LRP1B: variants seen among roughly 807,000 people sequenced by gnomAD.
LRP1B encodes low-density lipoprotein receptor-related protein 1B.
Under a neutral mutation model 556.6 loss-of-function variants are expected in LRP1B, and 217 were observed. That is an observed-to-expected ratio of 0.39 (90% CI 0.35 to 0.44). The LOEUF (loss-of-function observed/expected upper bound fraction) is 0.44. LRP1B is among the 20% of genes least tolerant of loss of function. LRP1B has a pLI of 1.00. For synonymous variants in LRP1B, 2,047 were observed against 1,865.8 expected (o/e 1.10, Z -2.50); for missense variants, 5,053 against 5,620.8 (o/e 0.90, Z 3.23).
chr2:141,021,995 T>C (rs1698077187), intron 11 of LRP1B, among the ~76,000 whole-genome samples: 1 of 151,904 alleles, frequency 6.6e-6, no homozygotes, highest in Middle Eastern at 3.2e-3. Context: ...TTAAGGGTAC[T>C]ACTTGATAGG....
At chr2:140,903,291 C>T in intron 22 of LRP1B, 126 bp from the exon 23 acceptor site, 1 of 1,109,508 alleles carries the variant, frequency 9.0e-7, no homozygotes, top group Non-Finnish European at 1.3e-6. Flanking sequence ...TAAGAAAGCC[C>T]TCTTTGGCTT....
At chr2:141,383,684 A>G (rs1006989898) in intron 3 of LRP1B, among the ~76,000 whole-genome samples, 2 of 152,210 alleles carry the variant, frequency 1.3e-5, no homozygotes, top group African/African-American at 4.8e-5. Flanking sequence ...TTTAAAAGGC[A>G]GGAAACACTT....
At chr2:141,582,316 A>G (rs78111137) in intron 2 of LRP1B, among the ~76,000 whole-genome samples, 1,634 of 152,354 alleles carry the variant, frequency 0.011, 26 homozygotes, top group African/African-American at 0.036. Flanking sequence ...CAAACTGAAG[A>G]AAACAAGGAA....
chr2:141,231,096 ACTAG>A (rs1342400923), intron 5 of LRP1B, among the ~76,000 whole-genome samples: 1 of 152,246 alleles, frequency 6.6e-6, no homozygotes, highest in African/African-American at 2.4e-5. Context: ...TCAGAGTATG[ACTAG>A]CTATTCAGAA....
intron 15 of LRP1B, among the ~76,000 whole-genome samples, chr2:140,994,388 G>T (rs1340857434): frequency 2.2e-4 from 11 of 51,028 alleles, no homozygotes; most frequent in Middle Eastern, 9.4e-3. Context: ...GGTAGGTAAG[G>T]ATGTGTGTGT....
chr2:140,402,905 G>T (rs1460378030), intron 66 of LRP1B, among the ~76,000 whole-genome samples: 1 of 152,178 alleles, frequency 6.6e-6, no homozygotes, highest in Non-Finnish European at 1.5e-5. Context: ...AAGGAGATAA[G>T]CTTCAAGAGA....
chr2:140,867,814 G>A lies in LRP1B; in HGVS notation c.4355C>T (p.Ala1452Val), dbSNP rs2105154367. Residue 1452 changes from alanine (A) to valine (V), a missense_variant, in exon 27 of 91, where the codon GCC (alanine) becomes GTC (valine). Coordinates refer to ENST00000389484, the MANE Select transcript of LRP1B (RefSeq NM_018557.3). ...TDARSDAIYS[A>V]LYDGTNMIEI... ...TATCATGTTTGTTCCATCATAGAGG[G>A]CTGAATAAATAGCATCTGACCTACA... 1.3e-6 allele frequency: 2 copies of A among 1,566,374 alleles called. No homozygotes were observed. The highest frequency in any genetic ancestry group is 2.3e-5 in the East Asian group (1 of 43,796).
At chr2:142,107,794 A>ATTTTTTTTTTTTTTTT (rs67962280) in intron 1 of LRP1B, among the ~76,000 whole-genome samples, 2 of 110,588 alleles carry the variant, frequency 1.8e-5, no homozygotes, top group Non-Finnish European at 3.6e-5. Context: ...CGCCTAGCTA[A>ATTTTTTTTTTTTTTTT]TTTTTTTTTT....
Position 140,501,672 on chromosome 2 carries a change from T to C in LRP1B, c.8850+15A>G, listed in dbSNP as rs2104890428. 2 of 1,561,702 alleles carry C rather than the reference T, an allele frequency of 1.3e-6. No homozygotes were observed. Among genetic ancestry groups the C allele is most frequent in the South Asian group, 2.4e-5 (2 of 83,024 alleles). On this transcript the variant is annotated intron_variant, in intron 55 of 90. Coordinates refer to ENST00000389484, the MANE Select transcript of LRP1B (RefSeq NM_018557.3). ...TAATGTATCGTATGATTTGCTACTT[T>C]TGATGAGTACCTACCTTATAACTGA... is the stretch of plus-strand genomic sequence containing the variant.
chr2:141,133,961 G>A (rs1294732802), intron 7 of LRP1B, among the ~76,000 whole-genome samples: 2 of 151,788 alleles, frequency 1.3e-5, no homozygotes, highest in African/African-American at 2.4e-5. Context: ...AGAATGCATA[G>A]TATCCTCCCA....
chr2:140,322,281 A>G (rs535292301), intron 81 of LRP1B, among the ~76,000 whole-genome samples, 193 bp from the exon 82 acceptor site: 108 of 152,220 alleles, frequency 7.1e-4, no homozygotes, highest in African/African-American at 2.1e-3. Flanking sequence ...CCCAATGCTC[A>G]TCATTAATAG....
intron 6 of LRP1B, among the ~76,000 whole-genome samples, chr2:141,200,464 T>C (rs1681962296): frequency 6.6e-6 from 1 of 152,148 alleles, no homozygotes; most frequent in African/African-American, 2.4e-5. Flanking sequence ...AAATCATCTT[T>C]CAGACATTAC....
intron 35 of LRP1B, 115 bp downstream of exon 35, chr2:140,769,098 C>G: frequency 2.1e-6 from 2 of 948,918 alleles, no homozygotes; most frequent in Non-Finnish European, 3.1e-6. Flanking sequence ...CTATTTGCTG[C>G]TTTCTTATTT....
chr2:140,769,019 C>T (rs1034346098), intron 35 of LRP1B, among the ~76,000 whole-genome samples, 194 bp downstream of exon 35: 32 of 84,078 alleles, frequency 3.8e-4, no homozygotes, highest in Non-Finnish European at 5.5e-4. Flanking sequence ...TACTTTAGGA[C>T]GATTTTACTT....
intron 7 of LRP1B, among the ~76,000 whole-genome samples, chr2:141,141,980 C>T (rs1701664213): frequency 1.3e-5 from 2 of 150,414 alleles, no homozygotes; most frequent in African/African-American, 4.9e-5. Context: ...TATTGTGGGC[C>T]ACAATACAAA....
chr2:140,725,590 C>T (rs1452102801), intron 35 of LRP1B, among the ~76,000 whole-genome samples: 1 of 150,584 alleles, frequency 6.6e-6, no homozygotes. Flanking sequence ...ATGTAAATGA[C>T]GAGTTAATGG....
intron 1 of LRP1B, among the ~76,000 whole-genome samples, chr2:141,837,889 C>T (rs352986): frequency 6.6e-6 from 1 of 151,902 alleles, no homozygotes; most frequent in Admixed American, 6.6e-5. Flanking sequence ...ATCAAACTCC[C>T]AGAGAAATAT....
At chr2:141,605,338 C>CA (rs145409753) in intron 2 of LRP1B, among the ~76,000 whole-genome samples, 3,671 of 149,340 alleles carry the variant, frequency 0.025, 102 homozygotes, top group East Asian at 0.14. Context: ...TAGCCTTGTA[C>CA]AAAAAAAAAT....
At chr2:140,940,141 T>C (rs1002509988) in intron 20 of LRP1B, among the ~76,000 whole-genome samples, 1 of 152,052 alleles carries the variant, frequency 6.6e-6, no homozygotes, top group Non-Finnish European at 1.5e-5. Flanking sequence ...TGCTTCAGCT[T>C]CCCAAAATGC....
Sources: gnomAD v4.1 joint callset for allele counts (sites outside exome capture counted in the v4.1 genomes callset) on GRCh38, gnomAD v4.1.1 for gene constraint, MANE v1.5 for transcripts, NCBI Gene and HGNC (gene_info 2026-07-23, HGNC 2026-07-21) for gene names.